Variants in ANK2 observed in about 807,000 individuals in gnomAD.
ANK2 encodes ankyrin 2.
ANK2 carries 83 observed loss-of-function variants against 360.5 expected under a neutral mutation model. That is an observed-to-expected ratio of 0.23 (90% CI 0.19 to 0.28). The LOEUF is 0.28. Ranked by LOEUF, ANK2 falls within the 10% of genes least tolerant of loss-of-function variation. The pLI, the probability that ANK2 is intolerant of heterozygous loss-of-function variation, is 1.00. For synonymous variants in ANK2, 1,740 were observed against 1,759.5 expected, an observed-to-expected ratio of 0.99 and a Z score of 0.28; for missense variants, 4,201 against 4,795.7, an observed-to-expected ratio of 0.88 and a Z score of 3.66.
intron 15 of ANK2, among the ~76,000 whole-genome samples, chr4:113,275,024 T>A (rs1209347962): frequency 6.6e-6 from 1 of 152,206 alleles, no homozygotes; most frequent in East Asian, 1.9e-4. Flanking sequence ...CTGCATTAGA[T>A]TGGCAGTACT....
chr4:113,226,999 A>G (rs1487035037), intron 4 of ANK2, among the ~76,000 whole-genome samples: 2 of 152,194 alleles, frequency 1.3e-5, no homozygotes, highest in Non-Finnish European at 2.9e-5. Context: ...AGGTGTTGGA[A>G]AGCACCTGGA....
At chr4:113,206,704 GA>G (rs374492025) in intron 4 of ANK2, among the ~76,000 whole-genome samples, 2 of 152,142 alleles carry the variant, frequency 1.3e-5, no homozygotes, top group African/African-American at 4.8e-5. Flanking sequence ...ATATGCTTGG[GA>G]AAAAGATGAG....
intron 1 of ANK2, among the ~76,000 whole-genome samples, chr4:113,087,162 A>G (rs2085259407): frequency 6.6e-6 from 1 of 152,224 alleles, no homozygotes; most frequent in South Asian, 2.1e-4. Context: ...TGAGATGATG[A>G]TGCCGAAATG....
At chr4:113,202,696 G>T (rs1011107618) in intron 4 of ANK2, among the ~76,000 whole-genome samples, 1 of 152,132 alleles carries the variant, frequency 6.6e-6, no homozygotes, top group Non-Finnish European at 1.5e-5. Context: ...TAGGTTATGG[G>T]GAAATACACA....
chr4:112,948,612 C>A (rs1449663697), intron 2 of ANK2, among the ~76,000 whole-genome samples: 1 of 152,180 alleles, frequency 6.6e-6, no homozygotes, highest in African/African-American at 2.4e-5. Context: ...ACAAGCTCTG[C>A]CATCTCTTTT....
the ANK2 span, among the ~76,000 whole-genome samples, chr4:112,764,218 T>C: frequency 6.6e-6 from 1 of 152,164 alleles, no homozygotes; most frequent in South Asian, 2.1e-4. Context: ...GTTGAGATTA[T>C]AGGCATGAGC....
chr4:113,166,223 G>A (rs985828662), intron 1 of ANK2, among the ~76,000 whole-genome samples: 1 of 152,100 alleles, frequency 6.6e-6, no homozygotes, highest in Non-Finnish European at 1.5e-5. Flanking sequence ...TCCCATTTTA[G>A]TGAAAGATTT....
intron 5 of ANK2, among the ~76,000 whole-genome samples, chr4:113,234,230 A>G (rs946167810): frequency 6.6e-6 from 1 of 152,112 alleles, no homozygotes; most frequent in African/African-American, 2.4e-5. Flanking sequence ...TTCCAAAAAT[A>G]CCCTTTTATG....
intron 1 of ANK2, among the ~76,000 whole-genome samples, chr4:112,845,403 T>C (rs1285835181): frequency 6.6e-6 from 1 of 151,646 alleles, no homozygotes; most frequent in Non-Finnish European, 1.5e-5. Context: ...AGGGACAAAG[T>C]TAGTTAAATA....
chr4:113,178,037 C>T (rs959833709), intron 2 of ANK2, among the ~76,000 whole-genome samples: 1 of 152,114 alleles, frequency 6.6e-6, no homozygotes, highest in Non-Finnish European at 1.5e-5. Context: ...AATTGACTTA[C>T]ACTCAAAATA....
Position 113,350,215 on chromosome 4 carries a change from T to C in ANK2, c.4405-13T>C. ...TATTTGTAACCATTCAATTTATGTA[T>C]GTTTTCTTTCAGATCGATATGACAT... On this transcript the variant is annotated splice_polypyrimidine_tract_variant and intron_variant, in intron 36 of 45. Transcript: ENST00000357077. The C allele has an allele frequency of 6.2e-7, 1 of 1,606,900 alleles. No individual in the cohort carries two copies. Among genetic ancestry groups the C allele is most frequent in the Non-Finnish European group, 8.5e-7 (1 of 1,175,032 alleles).
the ANK2 span, among the ~76,000 whole-genome samples, chr4:112,752,570 A>G: frequency 1.3e-5 from 2 of 150,266 alleles, no homozygotes; most frequent in African/African-American, 4.9e-5. Context: ...TTTTTTTGAG[A>G]CAGGGATCTG....
chr4:112,834,378 G>A (rs145323742), intron 1 of ANK2, among the ~76,000 whole-genome samples: 67 of 152,226 alleles, frequency 4.4e-4, no homozygotes, highest in African/African-American at 1.4e-3. Context: ...AAAAGTATGC[G>A]TGGAAGGAAT....
the ANK2 span, among the ~76,000 whole-genome samples, chr4:112,802,528 C>T: frequency 6.6e-6 from 1 of 152,090 alleles, no homozygotes; most frequent in Non-Finnish European, 1.5e-5. Context: ...CTTGATGTAT[C>T]TGTTGATGTG....
intron 2 of ANK2, among the ~76,000 whole-genome samples, chr4:112,968,650 C>G (rs2038261988): frequency 6.6e-6 from 1 of 152,110 alleles, no homozygotes; most frequent in Non-Finnish European, 1.5e-5. Flanking sequence ...TAGCAACCAC[C>G]ATTATAACAT....
chr4:113,280,591 C>T (rs2061915466), intron 17 of ANK2, among the ~76,000 whole-genome samples: 1 of 152,210 alleles, frequency 6.6e-6, no homozygotes, highest in Non-Finnish European at 1.5e-5. Context: ...TGTCTCCTCT[C>T]CTTAATACAC....
intron 10 of ANK2, among the ~76,000 whole-genome samples, chr4:113,251,032 G>GTA: frequency 6.6e-6 from 1 of 152,144 alleles, no homozygotes. Flanking sequence ...TGTGAATGTT[G>GTA]TATAGATCTG....
At chr4:112,997,601 T>C (rs1443903236) in intron 2 of ANK2, among the ~76,000 whole-genome samples, 1 of 152,158 alleles carries the variant, frequency 6.6e-6, no homozygotes, top group East Asian at 1.9e-4. Context: ...CTTCCCTGTT[T>C]TGGAGACTGT....
chr4:113,213,840 A>T (rs2099052528), intron 4 of ANK2, among the ~76,000 whole-genome samples: 1 of 152,124 alleles, frequency 6.6e-6, no homozygotes, highest in Non-Finnish European at 1.5e-5. Flanking sequence ...CAAGAAAAGG[A>T]TTCCTGTTTG....
Sources: gnomAD v4.1 joint callset for allele counts (sites outside exome capture counted in the v4.1 genomes callset) on GRCh38, gnomAD v4.1.1 for gene constraint, MANE v1.5 for transcripts, NCBI Gene and HGNC (gene_info 2026-07-23, HGNC 2026-07-21) for gene names.